Variants in RAC1 observed in about 807,000 individuals in gnomAD.
The protein encoded by RAC1 is ras-related C3 botulinum toxin substrate 1.
RAC1 carries 2 observed loss-of-function variants against 25.2 expected under a neutral mutation model. The ratio of observed to expected loss-of-function variants is 0.08; its 90% CI spans 0.03 to 0.25. The LOEUF is 0.25. Among genes scored for constraint, RAC1 ranks in the 10% least tolerant of loss-of-function variants. The pLI, the probability that RAC1 is intolerant of heterozygous loss-of-function variation, is 1.00. For missense variants in RAC1, 50 were observed against 235.7 expected (o/e 0.21, Z 5.16); for synonymous variants, 88 against 94.0 (o/e 0.94, Z 0.37).
intron 4 of RAC1, among the ~76,000 whole-genome samples, chr7:6,400,471 A>C (rs943200282): frequency 2.6e-5 from 4 of 152,032 alleles, no homozygotes; most frequent in African/African-American, 9.6e-5. Context: ...CTGGGACCAT[A>C]AATGTGCACC....
chr7:6,390,402 C>G (rs1181798353), intron 2 of RAC1, among the ~76,000 whole-genome samples: 3 of 151,880 alleles, frequency 2.0e-5, no homozygotes, highest in Admixed American at 6.6e-5. Context: ...GAGATCAAGA[C>G]CAGCCTGATC....
intron 1 of RAC1, among the ~76,000 whole-genome samples, chr7:6,380,064 T>G (rs1461060312): frequency 2.6e-5 from 4 of 152,232 alleles, no homozygotes; most frequent in Admixed American, 1.3e-4. Context: ...TGGACATACA[T>G]TACTGTCCAG....
chr7:6,383,891 C>T (rs957336405), intron 1 of RAC1, among the ~76,000 whole-genome samples: 5 of 146,360 alleles, frequency 3.4e-5, no homozygotes, highest in African/African-American at 1.0e-4. Flanking sequence ...CAACTTCCGC[C>T]TCCCGGGTTC....
chr7:6,374,752 G>C lies in RAC1; in HGVS notation c.17G>C (p.Cys6Ser). The C allele has an allele frequency of 8.7e-7, 1 of 1,149,616 alleles. No homozygotes were observed. The highest frequency in any genetic ancestry group is 1.1e-6 in the Non-Finnish European group (1 of 927,476). The allele number at this position is 1,149,616 out of a possible 1,614,324, so 71.2% of individuals were successfully genotyped here. Residue 6 changes from cysteine (C) to serine (S), a missense_variant, in exon 1 of 6, where the codon TGT (cysteine) becomes TCT (serine). By Grantham distance (112) the Cys-to-Ser change is moderately radical. Transcript: ENST00000348035. The part of the protein sequence containing the change: MQAIK[C>S]VVVGDGAVGK... ...GCGGCCCTGATGCAGGCCATCAAGT[G>C]TGTGGTGGTGGGAGACGGGTGAGTG...
At chr7:6,398,580 T>A in intron 3 of RAC1, 2 of 1,238,728 alleles carry the variant, frequency 1.6e-6, no homozygotes, top group Non-Finnish European at 2.3e-6. Context: ...AAAATTCTAA[T>A]AAAGAATCGA....
chr7:6,380,377 AAT>A (rs1491279712), intron 1 of RAC1, among the ~76,000 whole-genome samples: 15 of 107,672 alleles, frequency 1.4e-4, no homozygotes, highest in African/African-American at 9.0e-4. Flanking sequence ...AATTATACAT[AAT>A]GTGTGTGTGT....
rs2115220941 is a variant in RAC1, at chr7:6,402,904, AAGCAGAAC to A, written c.*462_*469del. The A allele has an allele frequency of 5.2e-6, 1 of 192,968 alleles. No individual in the cohort carries two copies. The highest frequency in any genetic ancestry group is 6.1e-5 in the Admixed American group (1 of 16,384). 12.0% of individuals were successfully genotyped at this position (192,968 alleles called of 1,614,324 possible). A position where few individuals can be genotyped will look rare whatever the true frequency, so the allele number is the denominator to read the frequency against. On this transcript the variant is annotated 3_prime_UTR_variant, in exon 6 of 6. Coordinates refer to ENST00000348035, the MANE Select transcript of RAC1 (RefSeq NM_006908.5). ...CTCCTATGTAGTTCTCAGATGCGTA[AAGCAGAAC>A]AGCCTCCCGAATGAAGCGTTGCCAT...
intron 1 of RAC1, among the ~76,000 whole-genome samples, chr7:6,386,547 C>G (rs1302554527): frequency 6.6e-6 from 1 of 151,844 alleles, no homozygotes; most frequent in South Asian, 2.1e-4. Context: ...TTTGGGAGGT[C>G]CAGGTGGGCG....
At chr7:6,386,788 C>CAAAAAAAAAAAAAAAA (rs71008388) in intron 1 of RAC1, among the ~76,000 whole-genome samples, 2 of 88,188 alleles carry the variant, frequency 2.3e-5, no homozygotes, top group Non-Finnish European at 4.7e-5. Context: ...GACTCGGTCT[C>CAAAAAAAAAAAAAAAA]AAAAAAAAAA....
intron 2 of RAC1, among the ~76,000 whole-genome samples, chr7:6,390,999 C>T (rs1489713390): frequency 6.6e-6 from 1 of 152,092 alleles, no homozygotes; most frequent in Non-Finnish European, 1.5e-5. Flanking sequence ...CGGGTTCAAG[C>T]GATTCTCTTG....
chr7:6,374,835 G>C (rs1339666173), intron 1 of RAC1, 65 bp downstream of exon 1: 2 of 1,056,558 alleles, frequency 1.9e-6, no homozygotes, highest in South Asian at 4.4e-5. Context: ...GTTGGGCCCG[G>C]ACTGGGGCCC....
chr7:6,403,302 TTTC>T lies in RAC1; in HGVS notation c.*859_*861del, dbSNP rs1783473159. The T allele has an allele frequency of 4.7e-6, 1 of 210,688 alleles. No homozygotes were observed. Among genetic ancestry groups the T allele is most frequent in the Non-Finnish European group, 9.6e-6 (1 of 103,702 alleles). 13.1% of individuals were successfully genotyped at this position (210,688 alleles called of 1,614,324 possible). On this transcript the variant is annotated 3_prime_UTR_variant, in exon 6 of 6. Coordinates refer to ENST00000348035, the MANE Select transcript of RAC1 (RefSeq NM_006908.5). ...AAAGGTTGGTATTATCAGGAAATGT[TTTC>T]TTAAGCTTTTCCTTTCTCTTACACC...
At chr7:6,395,720 G>A (rs894774311) in intron 3 of RAC1, among the ~76,000 whole-genome samples, 2 of 151,990 alleles carry the variant, frequency 1.3e-5, no homozygotes, top group African/African-American at 4.8e-5. Context: ...GCGAAGCTGC[G>A]AGTGCCAGGC....
chr7:6,375,528 T>G (rs1280642636), intron 1 of RAC1, among the ~76,000 whole-genome samples: 1 of 152,148 alleles, frequency 6.6e-6, no homozygotes, highest in African/African-American at 2.4e-5. Context: ...CTCAACTTAT[T>G]TTCGACAGGT....
chr7:6,376,439 C>G (rs1484938000), intron 1 of RAC1, among the ~76,000 whole-genome samples: 1 of 150,612 alleles, frequency 6.6e-6, no homozygotes, highest in Non-Finnish European at 1.5e-5. Flanking sequence ...CCGCCTGGGT[C>G]TCCCAGAGTG....
At chr7:6,400,261 CTT>C in intron 4 of RAC1, 73 bp downstream of exon 4, 3 of 1,381,876 alleles carry the variant, frequency 2.2e-6, no homozygotes, top group Non-Finnish European at 2.0e-6. Flanking sequence ...TAAAATATCA[CTT>C]AGCCTAGGAA....
chr7:6,386,410 G>C (rs1302572978), intron 1 of RAC1, among the ~76,000 whole-genome samples: 1 of 152,106 alleles, frequency 6.6e-6, no homozygotes, highest in Admixed American at 6.6e-5. Context: ...GATGTGGTGG[G>C]ATTTTGAGCT....
intron 2 of RAC1, among the ~76,000 whole-genome samples, chr7:6,387,591 G>T (rs1020798320): frequency 1.3e-5 from 2 of 152,044 alleles, no homozygotes; most frequent in African/African-American, 4.8e-5. Context: ...CAGGTGTGGT[G>T]GCGGGTGCCT....
intron 1 of RAC1, among the ~76,000 whole-genome samples, chr7:6,386,711 G>A (rs1392487361): frequency 1.3e-5 from 2 of 151,116 alleles, no homozygotes; most frequent in Admixed American, 1.3e-4. Context: ...TTGAACCTGG[G>A]AGGCAGAGGT....
Sources: gnomAD v4.1 joint callset for allele counts (sites outside exome capture counted in the v4.1 genomes callset) on GRCh38, gnomAD v4.1.1 for gene constraint, MANE v1.5 for transcripts, NCBI Gene and HGNC (gene_info 2026-07-23, HGNC 2026-07-21) for gene names.